Variants in CFAP61 observed in about 807,000 individuals in gnomAD.
The protein encoded by CFAP61 is cilia- and flagella-associated protein 61.
Under a neutral mutation model 135.6 loss-of-function variants are expected in CFAP61, and 107 were observed. That is an observed-to-expected ratio of 0.79 (90% CI 0.67 to 0.93). CFAP61 has a LOEUF of 0.93. Ranked by LOEUF, CFAP61 falls within the 40% of genes least tolerant of loss-of-function variation. CFAP61 has a pLI of 0.00. For synonymous variants in CFAP61, 575 were observed against 578.5 expected, an observed-to-expected ratio of 0.99 and a Z score of 0.09; for missense variants, 1,507 against 1,556.2, an observed-to-expected ratio of 0.97 and a Z score of 0.53.
intron 17 of CFAP61, among the ~76,000 whole-genome samples, chr20:20,204,395 T>A (rs2056770139): frequency 6.6e-6 from 1 of 152,194 alleles, no homozygotes; most frequent in African/African-American, 2.4e-5. Flanking sequence ...AGCTAAGTGA[T>A]GGCCCTGCTT....
At chr20:20,185,178 T>C (rs1156981903) in intron 13 of CFAP61, among the ~76,000 whole-genome samples, 3 of 152,240 alleles carry the variant, frequency 2.0e-5, no homozygotes, top group African/African-American at 7.2e-5. Flanking sequence ...TATCTTACTT[T>C]ATGCATTTAA....
intron 2 of CFAP61, among the ~76,000 whole-genome samples, chr20:20,060,087 A>T (rs2044685642): frequency 6.6e-6 from 1 of 152,194 alleles, no homozygotes; most frequent in South Asian, 2.1e-4. Context: ...GAAAAAAAAA[A>T]AACCAAGTTA....
chr20:20,300,528 A>T (rs1406243080), intron 25 of CFAP61, among the ~76,000 whole-genome samples: 2 of 152,156 alleles, frequency 1.3e-5, no homozygotes, highest in Admixed American at 1.3e-4. Context: ...AGTAAAATAA[A>T]ATAATTTGTA....
At chr20:20,318,860 T>G (rs2057287049) in intron 25 of CFAP61, among the ~76,000 whole-genome samples, 1 of 152,234 alleles carries the variant, frequency 6.6e-6, no homozygotes, top group African/African-American at 2.4e-5. Flanking sequence ...ACTGGATGTA[T>G]TCACAGACTT....
chr20:20,286,702 A>ATTAACAATGTTGGATTTGC (rs1481571350), intron 22 of CFAP61, among the ~76,000 whole-genome samples: 2 of 152,242 alleles, frequency 1.3e-5, no homozygotes, highest in Admixed American at 1.3e-4. Flanking sequence ...ACATGTTCTT[A>ATTAACAATGTTGGATTTGC]TTAACAATGT....
At chr20:20,057,732 T>C (rs1402057475) in intron 2 of CFAP61, among the ~76,000 whole-genome samples, 5 of 152,210 alleles carry the variant, frequency 3.3e-5, no homozygotes, top group African/African-American at 1.2e-4. Context: ...TTTATTTATT[T>C]TTGAGACAGA....
intron 25 of CFAP61, among the ~76,000 whole-genome samples, chr20:20,322,486 T>A (rs187882497): frequency 1.3e-5 from 2 of 152,270 alleles, no homozygotes; most frequent in African/African-American, 4.8e-5. Flanking sequence ...CCTATCTGGG[T>A]GCAGGAAAGG....
intron 25 of CFAP61, among the ~76,000 whole-genome samples, chr20:20,324,317 A>C (rs1465403474): frequency 6.6e-6 from 1 of 152,134 alleles, no homozygotes; most frequent in Non-Finnish European, 1.5e-5. Context: ...GCCAACACTG[A>C]CCGCAGTCTC....
intron 17 of CFAP61, among the ~76,000 whole-genome samples, chr20:20,214,070 T>C (rs1218375344): frequency 2.0e-5 from 3 of 152,186 alleles, no homozygotes; most frequent in African/African-American, 7.2e-5. Flanking sequence ...TTCCAGAAGA[T>C]GTAAGGTAGC....
At chr20:20,149,064 T>TA (rs756260370) in intron 9 of CFAP61, among the ~76,000 whole-genome samples, 2 of 152,172 alleles carry the variant, frequency 1.3e-5, no homozygotes, top group African/African-American at 2.4e-5. Flanking sequence ...ACAAAACCAC[T>TA]ACTGACCGAT....
intron 2 of CFAP61, among the ~76,000 whole-genome samples, chr20:20,059,764 A>T (rs114578964): frequency 1.3e-5 from 2 of 152,232 alleles, no homozygotes; most frequent in African/African-American, 4.8e-5. Flanking sequence ...ACACAGTTGA[A>T]GACAGAAGTA....
intron 22 of CFAP61, among the ~76,000 whole-genome samples, chr20:20,287,985 TGGC>T (rs2054718927): frequency 1.3e-5 from 2 of 152,180 alleles, no homozygotes; most frequent in African/African-American, 4.8e-5. Context: ...ACACAGTGCC[TGGC>T]ATATGGTAGG....
At chr20:20,316,331 C>T (rs998722454) in intron 25 of CFAP61, among the ~76,000 whole-genome samples, 80 of 151,800 alleles carry the variant, frequency 5.3e-4, no homozygotes, top group Non-Finnish European at 1.0e-3. Flanking sequence ...CATGATTTGG[C>T]TCTCTGTTTG....
chr20:20,325,903 C>A (rs1217663358), intron 25 of CFAP61, among the ~76,000 whole-genome samples: 1 of 152,178 alleles, frequency 6.6e-6, no homozygotes, highest in East Asian at 1.9e-4. Flanking sequence ...AGATTTTAGC[C>A]ATACCCATTG....
At chr20:20,209,125 A>G (rs2047448957) in intron 17 of CFAP61, among the ~76,000 whole-genome samples, 2 of 152,158 alleles carry the variant, frequency 1.3e-5, no homozygotes, top group South Asian at 2.1e-4. Context: ...GGAATGTAGC[A>G]TCTATTTTCT....
intron 17 of CFAP61, among the ~76,000 whole-genome samples, chr20:20,208,733 G>C (rs1391533850): frequency 2.0e-5 from 3 of 152,192 alleles, no homozygotes; most frequent in Non-Finnish European, 4.4e-5. Flanking sequence ...GCCCCTGGAG[G>C]TGCCCCATAG....
chr20:20,270,735 A>G (rs970593266), intron 21 of CFAP61, among the ~76,000 whole-genome samples: 6 of 150,722 alleles, frequency 4.0e-5, no homozygotes, highest in East Asian at 2.0e-4. Context: ...CAGTGGCACA[A>G]TTGTGGCTCA....
chr20:20,289,991 A>G (rs113417576), intron 23 of CFAP61, among the ~76,000 whole-genome samples: 120 of 152,334 alleles, frequency 7.9e-4, no homozygotes, highest in African/African-American at 2.8e-3. Flanking sequence ...AAAGGTCTTG[A>G]TCTGGTTTTG....
intron 26 of CFAP61, among the ~76,000 whole-genome samples, chr20:20,344,993 C>A (rs1354948448): frequency 6.6e-6 from 1 of 152,016 alleles, no homozygotes; most frequent in Non-Finnish European, 1.5e-5. Context: ...TAAAATATCC[C>A]AGACACAGAA....
Sources: allele counts gnomAD v4.1 joint callset (sites outside exome capture counted in the v4.1 genomes callset), GRCh38; gene constraint gnomAD v4.1.1; transcripts MANE v1.5; gene names NCBI Gene and HGNC (gene_info 2026-07-23, HGNC 2026-07-21).